The following MCC variants were observed in gnomAD, a reference collection of about 807,000 sequenced individuals.
MCC encodes the protein colorectal mutant cancer protein.
Under a neutral mutation model 116.2 loss-of-function variants are expected in MCC, and 90 were observed. The ratio of observed to expected loss-of-function variants is 0.77; its 90% CI spans 0.65 to 0.92. The LOEUF is 0.92. Ranked by LOEUF, MCC falls within the 40% of genes least tolerant of loss-of-function variation. The probability of loss-of-function intolerance (pLI) is 0.00; values close to 1 mark genes in which losing one functional copy is unlikely to be tolerated. For missense variants in MCC, 1,516 were observed against 1,312.2 expected (o/e 1.16, Z -2.40); for synonymous variants, 578 against 510.5 (o/e 1.13, Z -1.78).
intron 3 of MCC, among the ~76,000 whole-genome samples, chr5:113,213,067 A>G (rs952234388): frequency 1.3e-5 from 2 of 152,144 alleles, no homozygotes; most frequent in Non-Finnish European, 2.9e-5. Context: ...TTGCTTTCCC[A>G]TGAAACCCAG....
chr5:113,207,124 C>G (rs763161111), intron 3 of MCC, among the ~76,000 whole-genome samples: 1 of 152,136 alleles, frequency 6.6e-6, no homozygotes, highest in Non-Finnish European at 1.5e-5. Context: ...CTAGGAGACA[C>G]ACATACACAC....
intron 2 of MCC, among the ~76,000 whole-genome samples, chr5:113,379,744 C>T (rs1010734120): frequency 3.3e-5 from 5 of 152,064 alleles, no homozygotes; most frequent in Non-Finnish European, 7.4e-5. Flanking sequence ...TCTGTTATGA[C>T]GTGTTTGTTC....
chr5:113,353,196 TG>T lies in MCC; in HGVS notation c.416-12467del, dbSNP rs1252433132. On this transcript the variant is annotated intron_variant, in intron 2 of 18. Coordinates refer to ENST00000408903, the MANE Select transcript of MCC (RefSeq NM_001085377.2). ...AAATGCTGCTCCTCACATTCTTTGC[TG>T]GGCTCAGGTCTCAGACTTACTGAGT... 5.3e-5 allele frequency among the ~76,000 whole-genome samples: 8 copies of T among 152,306 alleles called. No homozygotes were observed. The East Asian group carries it at 1.5e-3, about 29-fold the overall frequency.
At chr5:113,084,902 C>T (rs767462991) in intron 9 of MCC, among the ~76,000 whole-genome samples, 21 of 152,204 alleles carry the variant, frequency 1.4e-4, no homozygotes, top group Non-Finnish European at 1.8e-4. Context: ...TCTCACTCTC[C>T]ATAATGACTT....
At chr5:113,267,616 C>A (rs1164056225) in intron 3 of MCC, among the ~76,000 whole-genome samples, 1 of 152,136 alleles carries the variant, frequency 6.6e-6, no homozygotes, top group Non-Finnish European at 1.5e-5. Flanking sequence ...GCATGATGAG[C>A]CATGAAAACA....
intron 3 of MCC, among the ~76,000 whole-genome samples, chr5:113,236,454 C>T (rs1005229063): frequency 4.6e-5 from 7 of 152,184 alleles, no homozygotes; most frequent in African/African-American, 1.7e-4. Flanking sequence ...TACTTACTAG[C>T]TATTTGACTT....
At chr5:113,380,732 G>A (rs996354176) in intron 2 of MCC, among the ~76,000 whole-genome samples, 6 of 152,238 alleles carry the variant, frequency 3.9e-5, no homozygotes, top group Admixed American at 2.0e-4. Flanking sequence ...TGTGAATGAG[G>A]AAAGGAGGAG....
chr5:113,402,144 A>G (rs1413109835), intron 1 of MCC, among the ~76,000 whole-genome samples: 2 of 151,990 alleles, frequency 1.3e-5, no homozygotes, highest in Non-Finnish European at 2.9e-5. Flanking sequence ...AATACAAAAA[A>G]TTAGCCCGAC....
chr5:113,228,825 C>T (rs1456298842), intron 3 of MCC, among the ~76,000 whole-genome samples: 1 of 152,110 alleles, frequency 6.6e-6, no homozygotes, highest in South Asian at 2.1e-4. Context: ...GTGACACACA[C>T]GCTCATAGCT....
intron 5 of MCC, among the ~76,000 whole-genome samples, chr5:113,127,874 T>C (rs1030963600): frequency 3.9e-5 from 6 of 152,252 alleles, no homozygotes; most frequent in Admixed American, 3.3e-4. Context: ...ATTTTTGCTT[T>C]GTTGCTATTG....
chr5:113,080,911 A>G (rs1246015806), intron 11 of MCC, among the ~76,000 whole-genome samples: 1 of 151,252 alleles, frequency 6.6e-6, no homozygotes, highest in African/African-American at 2.4e-5. Context: ...TTATCATCTT[A>G]TTTGTTTTCT....
intron 11 of MCC, among the ~76,000 whole-genome samples, chr5:113,074,055 A>G (rs1754240395): frequency 6.6e-6 from 1 of 152,186 alleles, no homozygotes; most frequent in Non-Finnish European, 1.5e-5. Flanking sequence ...ATGCAGTTTG[A>G]GCTCTGAGAA....
At chr5:113,423,719 T>C (rs189261690) in intron 1 of MCC, among the ~76,000 whole-genome samples, 1 of 152,158 alleles carries the variant, frequency 6.6e-6, no homozygotes, top group East Asian at 1.9e-4. Flanking sequence ...GTTGAAGGTG[T>C]GTGTAAGAAG....
chr5:113,328,461 T>C (rs1377710034), intron 3 of MCC, among the ~76,000 whole-genome samples: 2 of 152,198 alleles, frequency 1.3e-5, no homozygotes, highest in African/African-American at 4.8e-5. Flanking sequence ...GAAGTTAATG[T>C]GGGATCCACC....
Position 113,038,207 on chromosome 5 carries a change from C to A in MCC, c.2756+5323G>T, listed in dbSNP as rs74991383. 5.9e-3 allele frequency among the ~76,000 whole-genome samples: 899 copies of A among 152,224 alleles called. 5 individuals carry two copies. Among genetic ancestry groups the A allele is most frequent in the African/African-American group, 0.02 (830 of 41,538 alleles). ...GAATTCATCAAAGGGCAGGAAGAAA[C>A]AGAATTGTATTGGATGTGCTGTTTT... On this transcript the variant is annotated intron_variant, in intron 17 of 18. Coordinates refer to ENST00000408903, the MANE Select transcript of MCC (RefSeq NM_001085377.2).
chr5:113,066,508 A>G (rs923076185), intron 13 of MCC, among the ~76,000 whole-genome samples: 1 of 152,172 alleles, frequency 6.6e-6, no homozygotes, highest in Non-Finnish European at 1.5e-5. Flanking sequence ...CAGAGGGAGG[A>G]TCAGAGCATC....
chr5:113,215,604 C>T (rs1763285704), intron 3 of MCC, among the ~76,000 whole-genome samples: 2 of 152,152 alleles, frequency 1.3e-5, no homozygotes, highest in Admixed American at 1.3e-4. Context: ...GCCCTTCTGC[C>T]TGCCATCAAG....
chr5:113,397,596 C>A (rs1470618902), intron 1 of MCC, among the ~76,000 whole-genome samples: 1 of 152,036 alleles, frequency 6.6e-6, no homozygotes, highest in Non-Finnish European at 1.5e-5. Flanking sequence ...GGAAAAGACT[C>A]CCTGGTCAAT....
chr5:113,425,008 C>T (rs1241075279), intron 1 of MCC, among the ~76,000 whole-genome samples: 1 of 152,092 alleles, frequency 6.6e-6, no homozygotes, highest in Non-Finnish European at 1.5e-5. Flanking sequence ...AACTATCACA[C>T]ATATAATTAA....
Sources: allele counts gnomAD v4.1 joint callset (sites outside exome capture counted in the v4.1 genomes callset), GRCh38; gene constraint gnomAD v4.1.1; transcripts MANE v1.5; gene names NCBI Gene and HGNC (gene_info 2026-07-23, HGNC 2026-07-21).